Variants in TPP2 observed in about 807,000 individuals in gnomAD.
TPP2 encodes the protein tripeptidyl peptidase 2, also known as tripeptidyl-peptidase 2.
A neutral mutation model predicts 155.9 loss-of-function variants in TPP2; 34 were observed. The ratio of observed to expected loss-of-function variants is 0.22; its 90% CI spans 0.17 to 0.29. TPP2 has a LOEUF of 0.29. Ranked by LOEUF, TPP2 falls within the 10% of genes least tolerant of loss-of-function variation. The pLI is 1.00. For synonymous variants in TPP2, 510 were observed against 529.4 expected, an observed-to-expected ratio of 0.96 and a Z score of 0.50; for missense variants, 1,028 against 1,522.3, an observed-to-expected ratio of 0.68 and a Z score of 5.40.
chr13:102,641,170 C>G (rs976388742), intron 16 of TPP2, among the ~76,000 whole-genome samples: 1 of 152,176 alleles, frequency 6.6e-6, no homozygotes, highest in Non-Finnish European at 1.5e-5. Flanking sequence ...TCATGTCATT[C>G]TTTTTTACAA....
chr13:102,597,731 G>T (rs902482011), intron 1 of TPP2, among the ~76,000 whole-genome samples: 1 of 152,258 alleles, frequency 6.6e-6, no homozygotes, highest in East Asian at 1.9e-4. Flanking sequence ...AATGTTTAGG[G>T]ATCGGGAGAT....
At chr13:102,623,751 G>A (rs1881342221) in intron 6 of TPP2, among the ~76,000 whole-genome samples, 1 of 152,172 alleles carries the variant, frequency 6.6e-6, no homozygotes, top group Admixed American at 6.5e-5. Context: ...TTAAACAACT[G>A]TGTGTTATTC....
At chr13:102,630,617 T>C (rs1031986856) in intron 10 of TPP2, among the ~76,000 whole-genome samples, 1 of 152,210 alleles carries the variant, frequency 6.6e-6, no homozygotes, top group Non-Finnish European at 1.5e-5. Flanking sequence ...TTTGAAGTTA[T>C]AACTTACTTT....
intron 7 of TPP2, among the ~76,000 whole-genome samples, 191 bp from the exon 8 acceptor site, chr13:102,627,657 A>T (rs548041206): frequency 6.4e-4 from 93 of 144,888 alleles, no homozygotes; most frequent in African/African-American, 2.4e-3. Flanking sequence ...CTACTTTTTT[A>T]TGTGTCTCCT....
chr13:102,604,721 A>T lies in TPP2; in HGVS notation c.166-72A>T, dbSNP rs1249197949. 15 of 1,435,740 alleles carry T rather than the reference A, an allele frequency of 1.0e-5. 1 individual carries two copies. In the Admixed American group the frequency reaches 3.2e-4, roughly 30 times the overall value. 88.9% of individuals were successfully genotyped at this position (1,435,740 alleles called of 1,614,324 possible). On this transcript the variant is annotated intron_variant, in intron 1 of 29. Transcript: ENST00000376052. The stretch of plus-strand genomic sequence containing the variant: ...ATTTTGTATATACACACACATATAT[A>T]TGTGGATTTGCATTGTTTAGGAATA...
rs1352860981 is a variant in TPP2 at position 102,635,649 on chromosome 13, G to A, written c.1456G>A (p.Ala486Thr). ...AGTCAGAAGAGCTCTAGAAAACACT[G>A]CAGTGAAGGCTGACAATATAGAAGT... ...HSVRRALENT[A>T]VKADNIEVFA... The change falls in exon 12 of 30, where the codon GCA becomes ACA. Residue 486 changes from alanine (A) to threonine (T), a missense_variant. Coordinates refer to ENST00000376052, the MANE Select transcript of TPP2 (RefSeq NM_001330588.2). 1.9e-6 allele frequency: 3 copies of A among 1,613,258 alleles called. No homozygotes were observed. The highest frequency in any genetic ancestry group is 3.3e-5 in the Admixed American group (2 of 59,940).
intron 29 of TPP2, among the ~76,000 whole-genome samples, chr13:102,677,478 G>T (rs1595232923): frequency 6.6e-6 from 1 of 152,108 alleles, no homozygotes; most frequent in East Asian, 1.9e-4. Flanking sequence ...CTCCCCAGTG[G>T]TCCATAAGGC....
At chr13:102,648,681 T>C (rs1276694555) in intron 21 of TPP2, among the ~76,000 whole-genome samples, 1 of 152,100 alleles carries the variant, frequency 6.6e-6, no homozygotes, top group African/African-American at 2.4e-5. Context: ...TATACTTTAC[T>C]CTGTGTGATG....
At chr13:102,638,608 G>A (rs956918108) in intron 15 of TPP2, among the ~76,000 whole-genome samples, 6 of 152,088 alleles carry the variant, frequency 3.9e-5, no homozygotes, top group Admixed American at 6.6e-5. Context: ...CTCAGGCTTC[G>A]TCTGACCCGA....
chr13:102,629,350 G>A, intron 8 of TPP2, 132 bp from the exon 9 acceptor site: 1 of 1,030,638 alleles, frequency 9.7e-7, no homozygotes, highest in Non-Finnish European at 1.3e-6. Flanking sequence ...ACTTAGAATG[G>A]CTGTATCATG....
chr13:102,649,606 A>T (rs946909963), intron 23 of TPP2, 120 bp downstream of exon 23: 29 of 799,706 alleles, frequency 3.6e-5, no homozygotes, highest in Middle Eastern at 8.2e-4. Flanking sequence ...TGGGGAAAAA[A>T]ATTTAATCCT....
chr13:102,663,590 G>T, intron 25 of TPP2, 58 bp from the exon 26 acceptor site: 2 of 1,216,744 alleles, frequency 1.6e-6, no homozygotes, highest in South Asian at 1.6e-5. Context: ...TAATAGAGAA[G>T]ACAAATAGTC....
intron 13 of TPP2, 83 bp from the exon 14 acceptor site, chr13:102,636,999 A>G (rs900126947): frequency 4.1e-6 from 6 of 1,463,504 alleles, no homozygotes; most frequent in Non-Finnish European, 5.4e-6. Flanking sequence ...AAGTCGCTAA[A>G]TTTTTTTGGA....
intron 29 of TPP2, among the ~76,000 whole-genome samples, chr13:102,677,335 C>T (rs1423152699): frequency 6.7e-6 from 1 of 149,340 alleles, no homozygotes; most frequent in East Asian, 2.0e-4. Context: ...ACGTTCACAT[C>T]AGGGAGTGTT....
chr13:102,597,129 C>T lies in TPP2; in HGVS notation c.91C>T (p.Pro31Ser), dbSNP rs1169336796. ...AGCCGCCTCCTTCCTCTGCCGCTAC[C>T]CGGAGTATGATGGGCGGGGGGTGCT... ...TGAASFLCRYPEYDGRGVLIA... is the reference protein window; with the variant it reads ...TGAASFLCRYSEYDGRGVLIA... The change falls in exon 1 of 30, where the codon CCG becomes TCG. Residue 31 changes from proline to serine, a missense_variant. Physicochemically the swap from Pro to Ser is moderately conservative, Grantham distance 74 (BLOSUM62 -1). This residue lies in a region of TPP2 where 300 missense variants were observed against 398.3 expected (regional missense o/e 0.75). Transcript: ENST00000376052. 1 of 1,610,830 alleles carries T rather than the reference C, an allele frequency of 6.2e-7. No homozygotes were observed. The highest frequency in any genetic ancestry group is 1.7e-5 in the Admixed American group (1 of 59,936).
At chr13:102,671,640 C>A in intron 27 of TPP2, among the ~76,000 whole-genome samples, 1 of 152,160 alleles carries the variant, frequency 6.6e-6, no homozygotes, top group East Asian at 1.9e-4. Context: ...TTTTGCGTTA[C>A]CAGGCAGGCC....
At chr13:102,633,204 T>A (rs1445743942) in intron 10 of TPP2, among the ~76,000 whole-genome samples, 1 of 152,196 alleles carries the variant, frequency 6.6e-6, no homozygotes, top group Non-Finnish European at 1.5e-5. Context: ...ATAATGTGGT[T>A]ATGAATTCTG....
chr13:102,661,230 AATATAT>A (rs1247805728), intron 25 of TPP2, among the ~76,000 whole-genome samples: 1 of 151,198 alleles, frequency 6.6e-6, no homozygotes, highest in Non-Finnish European at 1.5e-5. Context: ...TTGTATGCAA[AATATAT>A]AAAGAACGCT....
chr13:102,646,900 G>A (rs1595185226), intron 20 of TPP2, among the ~76,000 whole-genome samples: 1 of 152,134 alleles, frequency 6.6e-6, no homozygotes, highest in East Asian at 1.9e-4. Context: ...ATAATGTTAG[G>A]GAAATGGATT....
Sources: allele counts gnomAD v4.1 joint callset (sites outside exome capture counted in the v4.1 genomes callset), GRCh38; gene constraint gnomAD v4.1.1; regional missense constraint gnomAD v4.1.1; transcripts MANE v1.5; gene names NCBI Gene and HGNC (gene_info 2026-07-23, HGNC 2026-07-21).